The following SHTN1 variants were observed in gnomAD, a reference collection of about 807,000 sequenced individuals.
SHTN1 encodes the protein shootin 1.
Under a neutral mutation model 83.1 loss-of-function variants are expected in SHTN1, and 42 were observed. The observed-to-expected ratio is 0.51, with a 90% CI of 0.39 to 0.65. The LOEUF (loss-of-function observed/expected upper bound fraction) is 0.65, where lower values mean the gene tolerates loss of function less well. SHTN1 is among the 30% of genes least tolerant of loss of function. The pLI, the probability that SHTN1 is intolerant of heterozygous loss-of-function variation, is 0.00. For missense variants in SHTN1, 622 were observed against 737.8 expected (o/e 0.84, Z 1.82); for synonymous variants, 224 against 247.7 (o/e 0.90, Z 0.90).
rs1847019668 is a variant in SHTN1, at chr10:116,881,650, C to G, written c.*4694G>C. ...CAAGGTGTAGAGGAATCAGCCGAAACAGGAGCATCCTCTGGATAGGGCTGT... is the reference window on the plus strand; with the variant it reads ...CAAGGTGTAGAGGAATCAGCCGAAAGAGGAGCATCCTCTGGATAGGGCTGT... On this transcript the variant is annotated 3_prime_UTR_variant, in exon 17 of 17. Coordinates refer to ENST00000355371, the MANE Select transcript of SHTN1 (RefSeq NM_001127211.3). 1 of 1,546,568 alleles carries G rather than the reference C, an allele frequency of 6.5e-7. No individual in the cohort carries two copies. Among genetic ancestry groups the G allele is most frequent in the African/African-American group, 1.4e-5 (1 of 72,884 alleles).
At chr10:116,905,208 C>CAAA (rs772309175) in intron 15 of SHTN1, among the ~76,000 whole-genome samples, 10 of 63,374 alleles carry the variant, frequency 1.6e-4, no homozygotes, top group African/African-American at 1.9e-4. Flanking sequence ...GACTCCGTCT[C>CAAA]AAAAAAAAAA....
intron 1 of SHTN1, among the ~76,000 whole-genome samples, chr10:116,997,359 C>T (rs1288663837): frequency 6.6e-6 from 1 of 152,236 alleles, no homozygotes. Flanking sequence ...CATTAATAAA[C>T]TTGCTTGTTC....
At chr10:117,004,954 C>CA in intron 1 of SHTN1, 68 bp downstream of exon 1, 2 of 1,465,628 alleles carry the variant, frequency 1.4e-6, no homozygotes, top group South Asian at 2.4e-5. Flanking sequence ...GCCCTGGCCC[C>CA]AGCGCCCTGG....
chr10:117,111,674 T>C (rs1252385014), intron 1 of SHTN1, among the ~76,000 whole-genome samples: 4 of 152,128 alleles, frequency 2.6e-5, no homozygotes, highest in African/African-American at 4.8e-5. Context: ...GATTAGATCA[T>C]CCCTTCCAGC....
At chr10:117,012,557 T>A (rs1009762342) in intron 2 of SHTN1, among the ~76,000 whole-genome samples, 4 of 152,140 alleles carry the variant, frequency 2.6e-5, no homozygotes, top group African/African-American at 9.7e-5. Context: ...TTCTTTTTTT[T>A]ATAAAAAGGA....
At position 117,065,855 on chromosome 10, in the gene SHTN1, A is replaced by AGG. The variant is rs1564947536; in HGVS notation, c.-188-17346_-188-17345insCC. Among the ~76,000 whole-genome samples the AGG allele has an allele frequency of 1.3e-3, 73 of 58,374 alleles. 3 individuals carry two copies. Among genetic ancestry groups the AGG allele is most frequent in the East Asian group, 4.4e-3 (5 of 1,128 alleles). The allele number at this position is 58,374 out of a possible 152,430, so 38.3% of individuals were successfully genotyped here. On this transcript the variant is annotated intron_variant, in intron 1 of 17. Transcript: ENST00000392901. ...AAGGAAGGAAGGAAGGAAGGAAGGA[A>AGG]AGGAGGGAGGGAGGGAGGGAGGGAG...
intron 1 of SHTN1, among the ~76,000 whole-genome samples, chr10:116,994,922 A>T (rs1045797137): frequency 6.6e-6 from 1 of 152,180 alleles, no homozygotes; most frequent in Non-Finnish European, 1.5e-5. Context: ...AACATTGTCA[A>T]ATAACATGTA....
intron 3 of SHTN1, among the ~76,000 whole-genome samples, chr10:116,967,546 A>G (rs1850440431): frequency 1.3e-5 from 2 of 152,224 alleles, no homozygotes; most frequent in Admixed American, 6.5e-5. Context: ...TCAAGGCTGC[A>G]GACATATCCA....
At chr10:116,911,676 G>A in intron 14 of SHTN1, 114 bp downstream of exon 14, 1 of 1,533,502 alleles carries the variant, frequency 6.5e-7, no homozygotes, top group African/African-American at 1.4e-5. Context: ...CAAAGATGAG[G>A]CTAATTGTAA....
intron 13 of SHTN1, 93 bp from the exon 14 acceptor site, chr10:116,911,936 T>A: frequency 1.1e-6 from 1 of 882,884 alleles, no homozygotes; most frequent in Non-Finnish European, 1.9e-6. Context: ...AGTAGCCTTA[T>A]ATTGGTAATA....
chr10:116,931,324 C>T (rs1229952288), intron 9 of SHTN1, among the ~76,000 whole-genome samples: 1 of 152,144 alleles, frequency 6.6e-6, no homozygotes. Flanking sequence ...TCTGGGCTCA[C>T]TGCAAACTTC....
chr10:116,910,239 G>C (rs1848136574), intron 14 of SHTN1, among the ~76,000 whole-genome samples: 1 of 152,168 alleles, frequency 6.6e-6, no homozygotes, highest in Non-Finnish European at 1.5e-5. Flanking sequence ...AGGATCATGA[G>C]CTCTACTTTT....
At chr10:117,118,172 G>C (rs1030433761) in intron 1 of SHTN1, among the ~76,000 whole-genome samples, 2 of 151,990 alleles carry the variant, frequency 1.3e-5, no homozygotes, top group Non-Finnish European at 2.9e-5. Flanking sequence ...GACTATATAA[G>C]CAGCTCAAAC....
chr10:117,110,683 AC>A (rs1442685768), intron 1 of SHTN1, among the ~76,000 whole-genome samples: 3 of 152,100 alleles, frequency 2.0e-5, no homozygotes, highest in Non-Finnish European at 4.4e-5. Context: ...TTTAAAAACC[AC>A]TGAAAAATGT....
In SHTN1 at chr10:116,881,708, T is replaced by A; in HGVS notation, c.*4636A>T. 7.2e-7 allele frequency: 1 copy of A among 1,394,952 alleles called. No homozygotes were observed. The allele number at this position is 1,394,952 out of a possible 1,614,324, so 86.4% of individuals were successfully genotyped here. A position where few individuals can be genotyped will look rare whatever the true frequency, so the allele number is the denominator to read the frequency against. On this transcript the variant is annotated 3_prime_UTR_variant, in exon 17 of 17. Coordinates refer to ENST00000355371, the MANE Select transcript of SHTN1 (RefSeq NM_001127211.3). ...CCAGGTTCCAGCCACACCATCAGTA[T>A]TAGTAGACCGGGAGGTCTGAAGTAC... is the stretch of plus-strand genomic sequence containing the variant.
At chr10:117,107,323 C>G (rs1170940433) in intron 1 of SHTN1, among the ~76,000 whole-genome samples, 1 of 152,104 alleles carries the variant, frequency 6.6e-6, no homozygotes, top group Non-Finnish European at 1.5e-5. Context: ...TATCAACAAC[C>G]ACATTATTTC....
At chr10:116,900,410 A>G in intron 16 of SHTN1, 1 of 796,798 alleles carries the variant, frequency 1.3e-6, no homozygotes, top group Non-Finnish European at 2.0e-6. Flanking sequence ...TCAATTCAAC[A>G]CATATTTTGC....
At chr10:116,924,384 T>C (rs1848663963) in intron 11 of SHTN1, among the ~76,000 whole-genome samples, 1 of 126,006 alleles carries the variant, frequency 7.9e-6, no homozygotes, top group Non-Finnish European at 1.8e-5. Flanking sequence ...CAGGAATTTA[T>C]CTGTACTGCT....
At chr10:117,070,915 A>C (rs1469977034) in intron 1 of SHTN1, among the ~76,000 whole-genome samples, 1 of 151,984 alleles carries the variant, frequency 6.6e-6, no homozygotes, top group African/African-American at 2.4e-5. Flanking sequence ...CAGCCCACAA[A>C]CAGAGGGCCC....
Sources: allele counts gnomAD v4.1 joint callset (sites outside exome capture counted in the v4.1 genomes callset), GRCh38; gene constraint gnomAD v4.1.1; transcripts MANE v1.5; gene names NCBI Gene and HGNC (gene_info 2026-07-23, HGNC 2026-07-21).